The following CRTC1 variants were observed in gnomAD, a reference collection of about 807,000 sequenced individuals.
The protein encoded by CRTC1 is CREB regulated transcription coactivator 1.
Under a neutral mutation model 66.1 loss-of-function variants are expected in CRTC1, and 18 were observed. The observed-to-expected ratio is 0.27, with a 90% CI of 0.19 to 0.40. The LOEUF (loss-of-function observed/expected upper bound fraction) is 0.40, where lower values mean the gene tolerates loss of function less well. Ranked by LOEUF, CRTC1 falls within the 10% of genes least tolerant of loss-of-function variation. CRTC1 has a pLI of 1.00. For synonymous variants in CRTC1, 416 were observed against 398.8 expected, an observed-to-expected ratio of 1.04 and a Z score of -0.51; for missense variants, 669 against 887.9, an observed-to-expected ratio of 0.75 and a Z score of 3.13.
Position 18,778,390 on chromosome 19 carries a change from T to C in CRTC1, c.*1008T>C, listed in dbSNP as rs1265084303. On this transcript the variant is annotated 3_prime_UTR_variant, in exon 14 of 14. Coordinates refer to ENST00000321949, the MANE Select transcript of CRTC1 (RefSeq NM_015321.3). ...TGAGAGCATGTTTTTATTTCAGAAA[T>C]CCAACTTTACCTATTTTTTAAGCTA... 1 of 230,896 alleles carries C rather than the reference T, an allele frequency of 4.3e-6. No individual in the cohort carries two copies. The highest frequency in any genetic ancestry group is 8.6e-6 in the Non-Finnish European group (1 of 116,608). 14.3% of individuals were successfully genotyped at this position (230,896 alleles called of 1,614,324 possible).
intron 1 of CRTC1, among the ~76,000 whole-genome samples, chr19:18,742,699 G>A (rs2054137330): frequency 6.6e-6 from 1 of 152,202 alleles, no homozygotes; most frequent in Non-Finnish European, 1.5e-5. Flanking sequence ...CCCCGCCTGG[G>A]GAGCCGTCCC....
chr19:18,697,894 A>C (rs531021837), intron 1 of CRTC1, among the ~76,000 whole-genome samples: 74 of 152,362 alleles, frequency 4.9e-4, no homozygotes, highest in African/African-American at 1.5e-3. Flanking sequence ...GTGCCCACAC[A>C]AGGAAATATT....
chr19:18,733,977 C>T (rs906915046), intron 1 of CRTC1, among the ~76,000 whole-genome samples: 7 of 152,118 alleles, frequency 4.6e-5, no homozygotes, highest in African/African-American at 7.2e-5. Context: ...GGCATGGTGG[C>T]GCGTGCCTGT....
In CRTC1 at chr19:18,775,651, T is replaced by G; in HGVS notation, c.1523T>G (p.Phe508Cys). The G allele has an allele frequency of 6.3e-7, 1 of 1,597,030 alleles. No individual in the cohort carries two copies. Among genetic ancestry groups the G allele is most frequent in the Non-Finnish European group, 8.5e-7 (1 of 1,172,100 alleles). The change falls in exon 13 of 14, where the codon TTC becomes TGC. Residue 508 changes from phenylalanine (F) to cysteine (C), a missense_variant. This residue lies in a region of CRTC1 where 79 missense variants were observed against 100.1 expected (regional missense o/e 0.79). Transcript: ENST00000321949. The part of the protein sequence containing the change: ...ANALSHQLEQ[F>C]NMMENAISSS... ...TGCCTCCCTTCCCAGCTGGAGCAGT[T>G]CAACATGATGGAGAACGCCATCAGC...
Position 18,768,614 on chromosome 19 carries a change from C to T in CRTC1, c.1141C>T (p.Pro381Ser). ...PPPPPASQQP[P>S]PPPPPQAPVR... is the part of the protein sequence containing the mutation. ...TCCTCCACCCGCGTCCCAGCAGCCA[C>T]CACCCCCGCCACCCCCACAGGCGCC... The change falls in exon 10 of 14, where the codon CCA becomes TCA. Residue 381 changes from proline (P) to serine (S), a missense_variant. Pro to Ser is a moderately conservative substitution (Grantham distance 74). Transcript: ENST00000321949. This position sits in a 1 kb window ranked among gnomAD's most constrained non-coding sequence, Gnocchi z 5.6. 4 of 1,492,056 alleles carry T rather than the reference C, an allele frequency of 2.7e-6. No individual in the cohort carries two copies. Among genetic ancestry groups the T allele is most frequent in the Non-Finnish European group, 3.6e-6 (4 of 1,098,848 alleles). 92.4% of individuals were successfully genotyped at this position (1,492,056 alleles called of 1,614,324 possible).
At position 18,771,705 on chromosome 19, in the gene CRTC1, A is replaced by T. The variant is rs1490788768; in HGVS notation, c.1425+159A>T. 6.6e-6 allele frequency among the ~76,000 whole-genome samples: 1 copy of T among 152,026 alleles called. No individual in the cohort carries two copies. The highest frequency in any genetic ancestry group is 1.5e-5 in the Non-Finnish European group (1 of 67,978). ...GCCATCGGACCTGAGCTGTGCACCT[A>T]CCAGGCTGCACCAGGGCAGGAACCC... On this transcript the variant is annotated intron_variant, in intron 11 of 13. Transcript: ENST00000321949. The surrounding 1 kb of genome is among the most constrained non-coding windows in gnomAD (Gnocchi z 4.6).
At chr19:18,737,370 C>T (rs887819572) in intron 1 of CRTC1, among the ~76,000 whole-genome samples, 4 of 152,084 alleles carry the variant, frequency 2.6e-5, no homozygotes, top group Non-Finnish European at 4.4e-5. Context: ...CTGCCTCCCA[C>T]GTGCCTCCAC....
At chr19:18,746,293 G>C (rs1341888907) in intron 3 of CRTC1, among the ~76,000 whole-genome samples, 3 of 152,176 alleles carry the variant, frequency 2.0e-5, no homozygotes, top group Non-Finnish European at 4.4e-5. Flanking sequence ...TGAGCAGGGA[G>C]CCCACAGTCA....
At chr19:18,740,667 C>T (rs1343342926) in intron 1 of CRTC1, among the ~76,000 whole-genome samples, 1 of 152,192 alleles carries the variant, frequency 6.6e-6, no homozygotes. Flanking sequence ...TTTTGCTGTA[C>T]AACTCCTCAT....
intron 1 of CRTC1, among the ~76,000 whole-genome samples, chr19:18,711,452 C>T (rs984728256): frequency 1.3e-5 from 2 of 152,062 alleles, no homozygotes; most frequent in African/African-American, 2.4e-5. Context: ...GCACTTCCAG[C>T]GTTTCAGGAG....
intron 1 of CRTC1, among the ~76,000 whole-genome samples, chr19:18,730,292 C>T (rs1190458202): frequency 6.6e-6 from 1 of 152,158 alleles, no homozygotes; most frequent in African/African-American, 2.4e-5. Context: ...CCTGCCTCCC[C>T]TGGATCTGCT....
In CRTC1 at chr19:18,782,294, CT is replaced by C; in HGVS notation, c.*4915del. The C allele has an allele frequency of 4.5e-6, 1 of 220,044 alleles. No individual in the cohort carries two copies. Among genetic ancestry groups the C allele is most frequent in the South Asian group, 1.6e-4 (1 of 6,100 alleles). The allele number at this position is 220,044 out of a possible 1,614,324, so 13.6% of individuals were successfully genotyped here. The stretch of plus-strand genomic sequence containing the variant: ...GCTTTTGTCTTTGTACCTTTGCATC[CT>C]TTGTAATGAAACGTAATAAAAATCC... On this transcript the variant is annotated 3_prime_UTR_variant, in exon 14 of 14. Coordinates refer to ENST00000321949, the MANE Select transcript of CRTC1 (RefSeq NM_015321.3).
chr19:18,760,838 A>T lies in CRTC1; in HGVS notation c.886+610A>T, dbSNP rs1228962666. ...CCCCAACTCCTCTGTCCTTTCCCAGACATGGACCTGACCCATTGTCAGCGT... is the reference window on the plus strand; with the variant it reads ...CCCCAACTCCTCTGTCCTTTCCCAGTCATGGACCTGACCCATTGTCAGCGT... On this transcript the variant is annotated intron_variant, in intron 8 of 13. Transcript: ENST00000321949. The surrounding 1 kb of genome is among the most constrained non-coding windows in gnomAD (Gnocchi z 6.2). 6.6e-6 allele frequency among the ~76,000 whole-genome samples: 1 copy of T among 151,412 alleles called. No homozygotes were observed. The highest frequency in any genetic ancestry group is 1.5e-5 in the Non-Finnish European group (1 of 67,854).
At chr19:18,735,214 C>A (rs974864632) in intron 1 of CRTC1, among the ~76,000 whole-genome samples, 1 of 152,196 alleles carries the variant, frequency 6.6e-6, no homozygotes, top group Non-Finnish European at 1.5e-5. Flanking sequence ...TTTGGGGGTA[C>A]CTGTCAGAGA....
At chr19:18,737,284 G>T (rs1330614973) in intron 1 of CRTC1, among the ~76,000 whole-genome samples, 1 of 151,680 alleles carries the variant, frequency 6.6e-6, no homozygotes, top group Non-Finnish European at 1.5e-5. Flanking sequence ...TGTGTGAGGG[G>T]GTCCCGGCGC....
intron 1 of CRTC1, among the ~76,000 whole-genome samples, chr19:18,710,650 C>T (rs938620120): frequency 2.0e-5 from 3 of 152,132 alleles, no homozygotes; most frequent in Non-Finnish European, 2.9e-5. Context: ...CTCACTCTTT[C>T]ACCCAAGCTG....
At chr19:18,761,866 C>T (rs1423219444) in intron 8 of CRTC1, among the ~76,000 whole-genome samples, 2 of 152,068 alleles carry the variant, frequency 1.3e-5, no homozygotes, top group Non-Finnish European at 2.9e-5. Flanking sequence ...AACAGGGCCC[C>T]AGCCCGAGCG....
At chr19:18,714,092 C>T (rs374203642) in intron 1 of CRTC1, among the ~76,000 whole-genome samples, 1 of 152,206 alleles carries the variant, frequency 6.6e-6, no homozygotes, top group African/African-American at 2.4e-5. Context: ...ACTGTCCTTA[C>T]ACGTATGCAT....
At chr19:18,770,067 G>T (rs946298817) in intron 10 of CRTC1, among the ~76,000 whole-genome samples, 1 of 143,652 alleles carries the variant, frequency 7.0e-6, no homozygotes, top group African/African-American at 2.6e-5. Flanking sequence ...TGCCCAGAAG[G>T]CGCCACCAAG....
Sources: gnomAD v4.1 joint callset for allele counts (sites outside exome capture counted in the v4.1 genomes callset) on GRCh38, gnomAD v4.1.1 for gene constraint, gnomAD v4.1.1 regional missense constraint, Gnocchi (gnomAD v3.1) non-coding constraint, MANE v1.5 for transcripts, NCBI Gene and HGNC (gene_info 2026-07-23, HGNC 2026-07-21) for gene names.